The following PEX5L variants were observed in gnomAD, a reference collection of about 807,000 sequenced individuals.
PEX5L encodes PEX5-related protein.
PEX5L carries 30 observed loss-of-function variants against 84.0 expected under a neutral mutation model. That is an observed-to-expected ratio of 0.36 (90% CI 0.27 to 0.48). PEX5L has a LOEUF of 0.48. Ranked by LOEUF, PEX5L falls within the 20% of genes least tolerant of loss-of-function variation. PEX5L has a pLI of 0.99. For missense variants in PEX5L, 533 were observed against 754.6 expected, an observed-to-expected ratio of 0.71 and a Z score of 3.44; for synonymous variants, 270 against 283.1, an observed-to-expected ratio of 0.95 and a Z score of 0.46.
intron 2 of PEX5L, among the ~76,000 whole-genome samples, chr3:179,906,268 T>C (rs763390250): frequency 4.6e-5 from 7 of 152,228 alleles, no homozygotes; most frequent in Non-Finnish European, 7.3e-5. Flanking sequence ...CCAAGCAATC[T>C]TACCACAATG....
chr3:179,874,924 A>G lies in PEX5L; in HGVS notation c.629+430T>C, dbSNP rs1371055834. ...AAAATATGGTACAACTCAGGTGGCC[A>G]GATTTTCTCATAAGCATCAATGCAT... On this transcript the variant is annotated intron_variant, in intron 6 of 14. Coordinates refer to ENST00000467460, the MANE Select transcript of PEX5L (RefSeq NM_016559.3). Among the ~76,000 whole-genome samples the G allele has an allele frequency of 2.0e-5, 3 of 151,758 alleles. No homozygotes were observed. The East Asian group carries it at 5.8e-4, about 29-fold the overall frequency.
chr3:179,905,277 C>CTTT (rs35550522), intron 2 of PEX5L, among the ~76,000 whole-genome samples: 1 of 145,272 alleles, frequency 6.9e-6, no homozygotes, highest in Non-Finnish European at 1.5e-5. Context: ...AATCTGTGTC[C>CTTT]TTTTTTTTTT....
At chr3:179,892,112 G>T (rs1420237981) in intron 3 of PEX5L, among the ~76,000 whole-genome samples, 2 of 152,226 alleles carry the variant, frequency 1.3e-5, no homozygotes, top group South Asian at 4.2e-4. Context: ...TGAACTGATT[G>T]CAATTTTGGT....
chr3:180,033,001 T>A (rs142807499), intron 1 of PEX5L, among the ~76,000 whole-genome samples: 1 of 152,356 alleles, frequency 6.6e-6, no homozygotes, highest in East Asian at 1.9e-4. Context: ...AACAACGTTC[T>A]ACAGTCTTAC....
intron 1 of PEX5L, among the ~76,000 whole-genome samples, chr3:179,984,535 A>G (rs572989054): frequency 2.0e-5 from 3 of 152,330 alleles, no homozygotes; most frequent in African/African-American, 7.2e-5. Context: ...GGGGTATTCA[A>G]TAATTTTCAG....
chr3:179,905,570 T>C (rs1186140373), intron 2 of PEX5L, among the ~76,000 whole-genome samples: 1 of 152,188 alleles, frequency 6.6e-6, no homozygotes, highest in Admixed American at 6.5e-5. Context: ...ATCTGTGTCC[T>C]TTTTTTGTGG....
intron 2 of PEX5L, among the ~76,000 whole-genome samples, chr3:179,946,531 G>T (rs1447424101): frequency 1.3e-5 from 2 of 152,128 alleles, no homozygotes; most frequent in Non-Finnish European, 2.9e-5. Flanking sequence ...AGGGAATAAT[G>T]ACAACAAGAA....
chr3:179,852,606 A>G (rs1365109458), intron 8 of PEX5L, among the ~76,000 whole-genome samples: 1 of 152,248 alleles, frequency 6.6e-6, no homozygotes, highest in African/African-American at 2.4e-5. Context: ...TAAAGGTCTT[A>G]GTAGAATTTA....
intron 8 of PEX5L, among the ~76,000 whole-genome samples, chr3:179,827,731 G>A (rs189238836): frequency 1.3e-5 from 2 of 152,294 alleles, no homozygotes; most frequent in Admixed American, 6.5e-5. Context: ...AACGAAATGT[G>A]TTAGTATCTC....
intron 7 of PEX5L, among the ~76,000 whole-genome samples, chr3:179,871,412 T>G (rs1392132423): frequency 6.6e-6 from 1 of 152,146 alleles, no homozygotes; most frequent in Non-Finnish European, 1.5e-5. Flanking sequence ...CCCATCTGAG[T>G]TATACTTTTA....
chr3:179,919,059 T>C (rs1768300582), intron 2 of PEX5L, among the ~76,000 whole-genome samples: 1 of 152,214 alleles, frequency 6.6e-6, no homozygotes, highest in African/African-American at 2.4e-5. Flanking sequence ...TTTCATTCTA[T>C]GCTCTAGTGG....
At chr3:179,953,514 T>C (rs190317952) in intron 2 of PEX5L, among the ~76,000 whole-genome samples, 4 of 152,342 alleles carry the variant, frequency 2.6e-5, no homozygotes, top group African/African-American at 9.6e-5. Flanking sequence ...ATCTATTGCA[T>C]GCAGGTGTAA....
intron 1 of PEX5L, chr3:179,973,321 T>C: frequency 8.0e-7 from 1 of 1,256,864 alleles, no homozygotes; most frequent in Non-Finnish European, 1.0e-6. Flanking sequence ...CCACAGATCT[T>C]GCCCAGGAAC....
intron 2 of PEX5L, among the ~76,000 whole-genome samples, chr3:179,909,750 A>C (rs1340166934): frequency 6.6e-6 from 1 of 152,198 alleles, no homozygotes; most frequent in Non-Finnish European, 1.5e-5. Context: ...GTCCTAATCC[A>C]ATATGACTGG....
At chr3:179,874,752 T>TG (rs1236346629) in intron 6 of PEX5L, among the ~76,000 whole-genome samples, 1,276 of 111,990 alleles carry the variant, frequency 0.011, 18 homozygotes, top group African/African-American at 0.038. Context: ...TTTTTTTTTT[T>TG]TTTTTTTTTT....
intron 8 of PEX5L, among the ~76,000 whole-genome samples, chr3:179,842,720 C>T (rs972406285): frequency 2.6e-5 from 4 of 152,076 alleles, no homozygotes; most frequent in African/African-American, 9.7e-5. Context: ...CTAAGGAAAG[C>T]ACCATCAACA....
intron 2 of PEX5L, among the ~76,000 whole-genome samples, chr3:179,918,579 T>G (rs1398732053): frequency 3.3e-5 from 5 of 152,198 alleles, no homozygotes; most frequent in Admixed American, 1.3e-4. Context: ...GTTTCAGTCC[T>G]AGTACTTCCA....
intron 2 of PEX5L, among the ~76,000 whole-genome samples, chr3:179,920,548 C>CGTGTTTGA (rs1303946623): frequency 2.0e-5 from 3 of 152,050 alleles, no homozygotes; most frequent in Admixed American, 2.0e-4. Context: ...GTGAACCTTA[C>CGTGTTTGA]GTGTTTGATC....
intron 1 of PEX5L, among the ~76,000 whole-genome samples, chr3:180,028,461 A>G (rs1335549422): frequency 6.6e-6 from 1 of 152,250 alleles, no homozygotes; most frequent in African/African-American, 2.4e-5. Context: ...TGAAAAGCAG[A>G]AAAATATCAA....
Sources: allele counts gnomAD v4.1 joint callset (sites outside exome capture counted in the v4.1 genomes callset), GRCh38; gene constraint gnomAD v4.1.1; transcripts MANE v1.5; gene names NCBI Gene and HGNC (gene_info 2026-07-23, HGNC 2026-07-21).